MAN2B2: variants seen among roughly 807,000 people sequenced by gnomAD.
MAN2B2 encodes the protein epididymis-specific alpha-mannosidase.
A neutral mutation model predicts 117.1 loss-of-function variants in MAN2B2; 106 were observed. The ratio of observed to expected loss-of-function variants is 0.90; its 90% CI spans 0.77 to 1.06. MAN2B2 has a LOEUF of 1.06. Among genes scored for constraint, MAN2B2 ranks in the 50% least tolerant of loss-of-function variants. The pLI is 0.00. For synonymous variants in MAN2B2, 544 were observed against 595.1 expected (o/e 0.91, Z 1.25); for missense variants, 1,326 against 1,381.4 (o/e 0.96, Z 0.64).
intron 18 of MAN2B2, chr4:6,620,866 C>T (rs1184102618): frequency 3.6e-6 from 1 of 280,676 alleles, no homozygotes; most frequent in African/African-American, 2.2e-5. Flanking sequence ...TTGAGGGCAA[C>T]ACCCATGAGG....
chr4:6,576,979 G>T (rs935498320), intron 2 of MAN2B2, among the ~76,000 whole-genome samples: 1 of 152,134 alleles, frequency 6.6e-6, no homozygotes, highest in Admixed American at 6.5e-5. Context: ...CAACCCAGCT[G>T]TGCACTTCCG....
chr4:6,591,091 T>C (rs1726841866), intron 5 of MAN2B2, among the ~76,000 whole-genome samples: 1 of 151,860 alleles, frequency 6.6e-6, no homozygotes, highest in African/African-American at 2.4e-5. Context: ...GAGGTTGCAG[T>C]AAGCCAAGAT....
At position 6,587,051 on chromosome 4, in the gene MAN2B2, CGTT is replaced by C; in HGVS notation, c.449_451del (p.Val150del). 1 of 1,614,080 alleles carries C rather than the reference CGTT, an allele frequency of 6.2e-7. No homozygotes were observed. On this transcript the variant is annotated inframe_deletion, in exon 4 of 19. Transcript: ENST00000285599. ...GGATCCGGCCACAGTTCTCCTGGCA[CGTT>C]GACCCGTTTGGCGCCTCTGCCACGA... is the stretch of plus-strand genomic sequence containing the variant.
intron 3 of MAN2B2, among the ~76,000 whole-genome samples, chr4:6,584,448 A>C (rs554988308): frequency 2.6e-5 from 4 of 152,250 alleles, no homozygotes; most frequent in Non-Finnish European, 5.9e-5. Flanking sequence ...GACACACTAA[A>C]ATGTTAGCAT....
At chr4:6,594,474 C>T (rs1446240472) in intron 6 of MAN2B2, 60 bp from the exon 7 acceptor site, 2 of 1,557,640 alleles carry the variant, frequency 1.3e-6, no homozygotes, top group East Asian at 2.2e-5. Context: ...GATCGGCCCA[C>T]CCCCACTGGG....
At chr4:6,616,059 C>G (rs1461424632) in intron 16 of MAN2B2, among the ~76,000 whole-genome samples, 1 of 152,160 alleles carries the variant, frequency 6.6e-6, no homozygotes. Flanking sequence ...CCTCCTTGGC[C>G]TCCCAAAGTG....
In MAN2B2 at chr4:6,589,108, A is replaced by T. The variant is rs114107677; in HGVS notation, c.628A>T (p.Ile210Phe). The T allele has an allele frequency of 1.7e-3, 2,802 of 1,614,178 alleles. 48 individuals are homozygous for T. In the African/African-American group the frequency reaches 0.031, roughly 18 times the overall value. Reference sequence around the variant, plus strand: ...AGAGCGGCAGGAAATCTTCACGCACATCATGGACCAGTACAGCTACTGCAC... The same window carrying T: ...AGAGCGGCAGGAAATCTTCACGCACTTCATGGACCAGTACAGCTACTGCAC... ...LSERQEIFTH[I>F]MDQYSYCTPS... is the part of the protein sequence containing the mutation. The change falls in exon 5 of 19, where the codon ATC becomes TTC. Residue 210 changes from isoleucine to phenylalanine, a missense_variant. Coordinates refer to ENST00000285599, the MANE Select transcript of MAN2B2 (RefSeq NM_015274.3).
At chr4:6,579,863 A>T (rs1177714230) in intron 3 of MAN2B2, among the ~76,000 whole-genome samples, 1 of 152,162 alleles carries the variant, frequency 6.6e-6, no homozygotes, top group Non-Finnish European at 1.5e-5. Context: ...ACCCCAGCCA[A>T]TCCTAATGGC....
intron 3 of MAN2B2, among the ~76,000 whole-genome samples, chr4:6,582,248 C>T (rs1027647861): frequency 1.3e-5 from 2 of 152,276 alleles, no homozygotes; most frequent in South Asian, 2.1e-4. Flanking sequence ...ACTGAATCCG[C>T]GATCCCTCTC....
At chr4:6,577,740 C>A (rs1376500250) in intron 2 of MAN2B2, among the ~76,000 whole-genome samples, 20 of 152,234 alleles carry the variant, frequency 1.3e-4, no homozygotes, top group Admixed American at 1.3e-3. Flanking sequence ...TGGTCTGTCT[C>A]CTAGCCCTCA....
chr4:6,620,068 C>A, intron 18 of MAN2B2, 24 bp downstream of exon 18: 1 of 1,581,794 alleles, frequency 6.3e-7, no homozygotes, highest in Admixed American at 1.8e-5. Context: ...CGCTTCAGCT[C>A]CCTACCCAGG....
At chr4:6,582,874 G>C (rs1726489863) in intron 3 of MAN2B2, among the ~76,000 whole-genome samples, 1 of 150,116 alleles carries the variant, frequency 6.7e-6, no homozygotes, top group African/African-American at 2.5e-5. Context: ...GCATGTGCTA[G>C]TGAGCTTGCT....
chr4:6,597,664 T>G (rs1035878125), intron 8 of MAN2B2, among the ~76,000 whole-genome samples: 1 of 152,234 alleles, frequency 6.6e-6, no homozygotes, highest in African/African-American at 2.4e-5. Flanking sequence ...AATTCCCTCC[T>G]GTACAATGAG....
Position 6,609,217 on chromosome 4 carries a change from C to T in MAN2B2, c.1925C>T (p.Ala642Val), listed in dbSNP as rs374658634. 1.9e-6 allele frequency: 3 copies of T among 1,614,060 alleles called. No homozygotes were observed. The highest frequency in any genetic ancestry group is 2.7e-5 in the African/African-American group (2 of 74,944). The change falls in exon 12 of 19, where the codon GCC becomes GTC. Residue 642 changes from alanine (A) to valine (V), a missense_variant. By Grantham distance (64) the Ala-to-Val change is moderately conservative. Coordinates refer to ENST00000285599, the MANE Select transcript of MAN2B2 (RefSeq NM_015274.3). ...SDNYLFTPGK[A>V]AVPAWEAVEM... Reference sequence around the variant, plus strand: ...AACTACCTGTTCACACCGGGCAAGGCCGCGGTGCCTGCGTGGGAAGCTGTG... The same window carrying T: ...AACTACCTGTTCACACCGGGCAAGGTCGCGGTGCCTGCGTGGGAAGCTGTG...
intron 3 of MAN2B2, among the ~76,000 whole-genome samples, chr4:6,579,259 C>CCACCACCACCCTT (rs1726285259): frequency 1.2e-5 from 1 of 85,738 alleles, no homozygotes; most frequent in Non-Finnish European, 2.5e-5. Context: ...ACCACCATCA[C>CCACCACCACCCTT]CACCACCACC....
At chr4:6,594,083 T>G (rs1340046921) in intron 6 of MAN2B2, among the ~76,000 whole-genome samples, 1 of 152,040 alleles carries the variant, frequency 6.6e-6, no homozygotes, top group Admixed American at 6.6e-5. Flanking sequence ...ATCATTATAT[T>G]AATTATAATA....
chr4:6,609,017 G>T, intron 11 of MAN2B2, 90 bp from the exon 12 acceptor site: 1 of 1,268,778 alleles, frequency 7.9e-7, no homozygotes, highest in East Asian at 2.5e-5. Flanking sequence ...AGGCCACTCA[G>T]ATGGCATCTG....
intron 3 of MAN2B2, among the ~76,000 whole-genome samples, chr4:6,579,328 C>CCACCACCACCACCATCACCAT (rs1726309135): frequency 1.2e-5 from 1 of 84,992 alleles, no homozygotes; most frequent in Non-Finnish European, 2.5e-5. Flanking sequence ...ATCACCACCA[C>CCACCACCACCACCATCACCAT]CACCACCACC....
At chr4:6,579,027 TCACCACTAC>T (rs1560634077) in intron 3 of MAN2B2, among the ~76,000 whole-genome samples, 3 of 60,086 alleles carry the variant, frequency 5.0e-5, no homozygotes, top group African/African-American at 8.9e-5. Flanking sequence ...ACCATCACCA[TCACCACTAC>T]CACCATCACC....
Sources: gnomAD v4.1 joint callset for allele counts (sites outside exome capture counted in the v4.1 genomes callset) on GRCh38, gnomAD v4.1.1 for gene constraint, MANE v1.5 for transcripts, NCBI Gene and HGNC (gene_info 2026-07-23, HGNC 2026-07-21) for gene names.